APOLD1: variants seen among roughly 807,000 people sequenced by gnomAD.
APOLD1 encodes apolipoprotein L domain containing 1.
Under a neutral mutation model 15.3 loss-of-function variants are expected in APOLD1, and 22 were observed. The observed-to-expected ratio is 1.44, with a 90% CI of 1.03 to 2.05. The LOEUF is 2.05. APOLD1 is among the 30% of genes most tolerant of loss of function. The pLI, the probability that APOLD1 is intolerant of heterozygous loss-of-function variation, is 0.00. For missense variants in APOLD1, 394 were observed against 353.5 expected, an observed-to-expected ratio of 1.11 and a Z score of -0.92; for synonymous variants, 190 against 167.4, an observed-to-expected ratio of 1.13 and a Z score of -1.04.
chr12:12,768,975 C>A (rs1946963207), intron 1 of APOLD1, among the ~76,000 whole-genome samples: 1 of 152,042 alleles, frequency 6.6e-6, no homozygotes, highest in Non-Finnish European at 1.5e-5. Context: ...TGCCTGCAAT[C>A]CCAGCACTTT....
chr12:12,730,717 T>G (rs1340078677), intron 1 of APOLD1, among the ~76,000 whole-genome samples: 3 of 52,642 alleles, frequency 5.7e-5, no homozygotes, highest in African/African-American at 3.4e-4. Flanking sequence ...GAAAAAAGTT[T>G]TTTTTTTTTT....
chr12:12,745,646 A>G (rs1946760021), intron 1 of APOLD1, among the ~76,000 whole-genome samples: 4 of 152,150 alleles, frequency 2.6e-5, no homozygotes, highest in Admixed American at 2.6e-4. Context: ...CGTGTAGTGT[A>G]ACATTCTCTT....
At chr12:12,743,297 G>A (rs932236553) in intron 1 of APOLD1, among the ~76,000 whole-genome samples, 1 of 152,168 alleles carries the variant, frequency 6.6e-6, no homozygotes, top group Non-Finnish European at 1.5e-5. Flanking sequence ...TAACGAGGCT[G>A]AGATGGAGAA....
At chr12:12,759,494 A>C (rs1946881606) in intron 1 of APOLD1, among the ~76,000 whole-genome samples, 3 of 152,216 alleles carry the variant, frequency 2.0e-5, no homozygotes. Context: ...GGAATAGACA[A>C]ATATGTTGAT....
intron 1 of APOLD1, among the ~76,000 whole-genome samples, chr12:12,774,510 C>A (rs1236758831): frequency 8.1e-6 from 1 of 123,562 alleles, no homozygotes; most frequent in Admixed American, 1.0e-4. Context: ...CACACTGCTG[C>A]ACTCTGGCCT....
At chr12:12,747,595 G>C (rs1946776387) in intron 1 of APOLD1, among the ~76,000 whole-genome samples, 1 of 152,164 alleles carries the variant, frequency 6.6e-6, no homozygotes, top group Non-Finnish European at 1.5e-5. Flanking sequence ...CTGACTCTCA[G>C]ATTTAAACTG....
chr12:12,762,511 C>T (rs375433312), intron 1 of APOLD1, among the ~76,000 whole-genome samples: 1 of 151,994 alleles, frequency 6.6e-6, no homozygotes, highest in Admixed American at 6.6e-5. Flanking sequence ...CGCACCACCA[C>T]ACCCAGCTAA....
At chr12:12,733,165 A>C (rs1025328230) in intron 1 of APOLD1, among the ~76,000 whole-genome samples, 13 of 151,746 alleles carry the variant, frequency 8.6e-5, no homozygotes, top group Middle Eastern at 3.2e-3. Context: ...AACACCAAAA[A>C]AAAAAAAAAA....
intron 1 of APOLD1, among the ~76,000 whole-genome samples, chr12:12,762,841 A>G (rs1946911728): frequency 1.3e-5 from 2 of 151,956 alleles, no homozygotes; most frequent in Admixed American, 1.3e-4. Flanking sequence ...TTTTGAGGGT[A>G]TTTTTGGTTT....
At chr12:12,728,667 A>AAAAAAAAT (rs1946613352) in intron 1 of APOLD1, among the ~76,000 whole-genome samples, 1 of 88,134 alleles carries the variant, frequency 1.1e-5, no homozygotes, top group African/African-American at 3.3e-5. Flanking sequence ...CCCTGTCTCA[A>AAAAAAAAT]AAAAAAAAAA....
At chr12:12,726,023 G>A in exon 1 of APOLD1, 2 of 1,525,960 alleles carry the variant, frequency 1.3e-6, no homozygotes, top group African/African-American at 1.4e-5. Context: ...CCGTGTCACC[G>A]GCTGCGGGCC....
At chr12:12,778,556 G>A (rs1947055785) in intron 1 of APOLD1, among the ~76,000 whole-genome samples, 1 of 151,180 alleles carries the variant, frequency 6.6e-6, no homozygotes, top group Non-Finnish European at 1.5e-5. Flanking sequence ...TCAAACTCCT[G>A]GGCTCAAGCA....
intron 1 of APOLD1, among the ~76,000 whole-genome samples, chr12:12,738,017 A>G (rs1946702854): frequency 6.6e-6 from 1 of 152,092 alleles, no homozygotes; most frequent in Non-Finnish European, 1.5e-5. Context: ...CTCTCTTCAC[A>G]GTCTTAAGAA....
chr12:12,790,409 T>C lies in APOLD1; in HGVS notation c.*2757T>C, dbSNP rs1947175422. The C allele has an allele frequency of 6.6e-6, 1 of 152,262 alleles. No homozygotes were observed. The highest frequency in any genetic ancestry group is 6.5e-5 in the Admixed American group (1 of 15,288). The allele number at this position is 152,262 out of a possible 1,614,324, so 9.4% of individuals were successfully genotyped here. A position where few individuals can be genotyped will look rare whatever the true frequency, so the allele number is the denominator to read the frequency against. Reference sequence around the variant, plus strand: ...GTACTTCACATTATTAGTTGTGTTATGGCATAAAGGTACAACCATTCCCTA... The same window carrying C: ...GTACTTCACATTATTAGTTGTGTTACGGCATAAAGGTACAACCATTCCCTA... On this transcript the variant is annotated 3_prime_UTR_variant, in exon 2 of 2. Transcript: ENST00000356591.
At chr12:12,754,619 C>T (rs142124088) in intron 1 of APOLD1, among the ~76,000 whole-genome samples, 21 of 152,022 alleles carry the variant, frequency 1.4e-4, no homozygotes, top group East Asian at 1.4e-3. Context: ...TTAGTAGAGA[C>T]GGGGTTTTAC....
rs370235107 is a variant in APOLD1, at chr12:12,790,121, A to T, written c.*2469A>T. On this transcript the variant is annotated 3_prime_UTR_variant, in exon 2 of 2. Coordinates refer to ENST00000356591, the MANE Select transcript of APOLD1 (RefSeq NM_030817.3). The stretch of plus-strand genomic sequence containing the variant: ...TGGGTTCAAGCAATTCTTCTGCCTC[A>T]GCCTCCTGAGTAGCTGGGATTACAG... 5 of 150,648 alleles carry T rather than the reference A, an allele frequency of 3.3e-5. No individual in the cohort carries two copies. The highest frequency in any genetic ancestry group is 1.2e-4 in the African/African-American group (5 of 40,866). 9.3% of individuals were successfully genotyped at this position (150,648 alleles called of 1,614,324 possible).
intron 1 of APOLD1, among the ~76,000 whole-genome samples, chr12:12,776,389 C>A (rs1272528733): frequency 1.3e-5 from 2 of 152,176 alleles, no homozygotes; most frequent in Non-Finnish European, 2.9e-5. Flanking sequence ...AAGGGCCAGA[C>A]AAAGGTAATT....
At chr12:12,762,120 AG>A (rs945975739) in intron 1 of APOLD1, among the ~76,000 whole-genome samples, 3 of 152,092 alleles carry the variant, frequency 2.0e-5, no homozygotes, top group African/African-American at 7.2e-5. Flanking sequence ...CAAACAAAGA[AG>A]GGATGGTGAA....
intron 1 of APOLD1, chr12:12,771,520 C>T (rs1393490573): frequency 2.0e-6 from 1 of 511,916 alleles, no homozygotes; most frequent in Non-Finnish European, 3.9e-6. Context: ...TTAATTATCT[C>T]ATTTTGTCCA....
Sources: allele counts gnomAD v4.1 joint callset (sites outside exome capture counted in the v4.1 genomes callset), GRCh38; gene constraint gnomAD v4.1.1; transcripts MANE v1.5; gene names NCBI Gene and HGNC (gene_info 2026-07-23, HGNC 2026-07-21).